EIF4E3: variants seen among roughly 807,000 people sequenced by gnomAD.
EIF4E3 encodes eukaryotic translation initiation factor 4E family member 3, also known as eukaryotic translation initiation factor 4E type 3.
Under a neutral mutation model 31.7 loss-of-function variants are expected in EIF4E3, and 26 were observed. The ratio of observed to expected loss-of-function variants is 0.82; its 90% CI spans 0.60 to 1.14. EIF4E3 has a LOEUF of 1.14. Among genes scored for constraint, EIF4E3 ranks in the 50% most tolerant of loss-of-function variants. EIF4E3 has a pLI of 0.00. For missense variants in EIF4E3, 304 were observed against 270.9 expected, an observed-to-expected ratio of 1.12 and a Z score of -0.86; for synonymous variants, 128 against 107.7, an observed-to-expected ratio of 1.19 and a Z score of -1.17.
chr3:71,701,111 G>A (rs1337573213), intron 2 of EIF4E3, among the ~76,000 whole-genome samples: 3 of 152,146 alleles, frequency 2.0e-5, no homozygotes, highest in African/African-American at 7.2e-5. Context: ...GAGAAACAAG[G>A]GTTTGTTGCA....
chr3:71,744,934 G>A (rs2049856244), intron 1 of EIF4E3, among the ~76,000 whole-genome samples: 1 of 152,178 alleles, frequency 6.6e-6, no homozygotes, highest in African/African-American at 2.4e-5. Context: ...GGCCACAGCT[G>A]TGCAGGGAGC....
intron 2 of EIF4E3, among the ~76,000 whole-genome samples, chr3:71,703,810 T>TAA (rs2049251673): frequency 3.7e-5 from 1 of 26,872 alleles, no homozygotes; most frequent in African/African-American, 1.8e-4. Flanking sequence ...CAAACACACA[T>TAA]CAAAAAAAAA....
chr3:71,715,607 T>C (rs917931272), intron 1 of EIF4E3, among the ~76,000 whole-genome samples: 1 of 152,130 alleles, frequency 6.6e-6, no homozygotes, highest in African/African-American at 2.4e-5. Context: ...GGACCCTGGT[T>C]CGGAATTTTC....
chr3:71,703,384 T>C (rs935907872), intron 2 of EIF4E3, among the ~76,000 whole-genome samples: 1 of 152,178 alleles, frequency 6.6e-6, no homozygotes, highest in Non-Finnish European at 1.5e-5. Flanking sequence ...AAGACCTAGG[T>C]TCTCAGCATA....
chr3:71,716,139 C>A (rs1047632993), intron 1 of EIF4E3, among the ~76,000 whole-genome samples: 1 of 152,128 alleles, frequency 6.6e-6, no homozygotes, highest in Non-Finnish European at 1.5e-5. Context: ...TGCAGGAAAG[C>A]GCTAGATGCC....
chr3:71,686,613 C>T (rs79809549), intron 6 of EIF4E3, among the ~76,000 whole-genome samples: 2 of 148,790 alleles, frequency 1.3e-5, no homozygotes, highest in East Asian at 2.0e-4. Flanking sequence ...GGGAAGATAT[C>T]GAAGAAAACA....
chr3:71,699,457 A>G (rs1405825452), intron 3 of EIF4E3, among the ~76,000 whole-genome samples, 157 bp downstream of exon 3: 1 of 152,208 alleles, frequency 6.6e-6, no homozygotes, highest in East Asian at 1.9e-4. Context: ...GCTATTAAAG[A>G]AGGAGGACAC....
rs1553666803 is a variant in EIF4E3 at position 71,725,296 on chromosome 3, A to AGCGGCGGCGGC, written c.61_71dup (p.Ala25ProfsTer53). ...CGAGCGGCGGCTCGGGGGCGGCGGC[A>AGCGGCGGCGGC]GCGGCGGCGGCGCGGGACCCCGGCG... On this transcript the variant is annotated frameshift_variant, in exon 1 of 7. Transcript: ENST00000425534. LOFTEE classifies it high-confidence loss of function. This position sits in a 1 kb window ranked among gnomAD's most constrained non-coding sequence, Gnocchi z 6.1. 1 of 998,982 alleles carries AGCGGCGGCGGC rather than the reference A, an allele frequency of 1.0e-6. No individual in the cohort carries two copies. Among genetic ancestry groups the AGCGGCGGCGGC allele is most frequent in the African/African-American group, 1.8e-5 (1 of 56,680 alleles). 61.9% of individuals were successfully genotyped at this position (998,982 alleles called of 1,614,324 possible).
chr3:71,664,423 T>G, the EIF4E3 span, among the ~76,000 whole-genome samples: 1 of 152,026 alleles, frequency 6.6e-6, no homozygotes. Flanking sequence ...GAGAATCATC[T>G]TCATGATTTC....
chr3:71,754,112 G>A (rs374377825), upstream of EIF4E3: 212 of 1,410,260 alleles, frequency 1.5e-4, no homozygotes, highest in African/African-American at 3.0e-3. This position sits in a 1 kb window ranked among gnomAD's most constrained non-coding sequence, Gnocchi z 5.8. Flanking sequence ...TGGGCCTCAA[G>A]CTGGCCACGC....
At position 71,676,832 on chromosome 3, in the gene EIF4E3, G is replaced by A. The variant is rs2048878212; in HGVS notation, c.*7850C>T. 1 of 151,790 alleles carries A rather than the reference G, an allele frequency of 6.6e-6. No homozygotes were observed. Among genetic ancestry groups the A allele is most frequent in the East Asian group, 1.9e-4 (1 of 5,190 alleles). The allele number at this position is 151,790 out of a possible 1,614,324, so 9.4% of individuals were successfully genotyped here. A position where few individuals can be genotyped will look rare whatever the true frequency, so the allele number is the denominator to read the frequency against. ...ACACTAATTATTTTCGCCTTAAAAA[G>A]GGGACACGGCTTTAGTGTTTAACCT... On this transcript the variant is annotated 3_prime_UTR_variant, in exon 7 of 7. Coordinates refer to ENST00000425534, the MANE Select transcript of EIF4E3 (RefSeq NM_001134651.2).
At chr3:71,723,065 G>T (rs1312315632) in intron 1 of EIF4E3, among the ~76,000 whole-genome samples, 1 of 152,172 alleles carries the variant, frequency 6.6e-6, no homozygotes, top group Non-Finnish European at 1.5e-5. Flanking sequence ...GTAGCAAGAG[G>T]CCTTTGCATG....
At chr3:71,666,046 AAGAGCAAACAAATTC>A in the EIF4E3 span, among the ~76,000 whole-genome samples, 9 of 152,228 alleles carry the variant, frequency 5.9e-5, no homozygotes, top group Non-Finnish European at 1.0e-4. Context: ...CTAGAGAAGC[AAGAGCAAACAAATTC>A]AGAAGCTAGC....
the EIF4E3 span, among the ~76,000 whole-genome samples, chr3:71,660,589 T>C: frequency 6.6e-6 from 1 of 152,160 alleles, no homozygotes; most frequent in Non-Finnish European, 1.5e-5. Context: ...AATAGCTCTG[T>C]GGCATCAAAA....
At chr3:71,710,549 C>A in intron 1 of EIF4E3, 65 bp from the exon 2 acceptor site, 1 of 1,485,004 alleles carries the variant, frequency 6.7e-7, no homozygotes, top group Non-Finnish European at 9.2e-7. Flanking sequence ...CAAAACAGCC[C>A]ACAGTAGAAT....
chr3:71,739,117 G>A (rs151279004), intron 1 of EIF4E3, among the ~76,000 whole-genome samples: 2,145 of 150,610 alleles, frequency 0.014, 20 homozygotes, highest in Middle Eastern at 0.024. Context: ...TACTGAGAGG[G>A]AAACTTACAG....
At position 71,684,489 on chromosome 3, in the gene EIF4E3, G is replaced by A. The variant is rs1308908596; in HGVS notation, c.*193C>T. ...GTTTTTTTTAAAAAGCAAGTAATGT[G>A]ACGGTAGAAACCCACACAATCTCCC... is the stretch of plus-strand genomic sequence containing the variant. On this transcript the variant is annotated 3_prime_UTR_variant, in exon 7 of 7. Transcript: ENST00000425534. 3.9e-5 allele frequency: 17 copies of A among 437,200 alleles called. No individual in the cohort carries two copies. The highest frequency in any genetic ancestry group is 6.3e-5 in the Non-Finnish European group (16 of 252,994). The allele number at this position is 437,200 out of a possible 1,614,324, so 27.1% of individuals were successfully genotyped here. A position where few individuals can be genotyped will look rare whatever the true frequency, so the allele number is the denominator to read the frequency against.
intron 1 of EIF4E3, among the ~76,000 whole-genome samples, chr3:71,738,612 G>C (rs181284959): frequency 6.6e-6 from 1 of 152,164 alleles, no homozygotes; most frequent in East Asian, 1.9e-4. Flanking sequence ...AAGACATAAT[G>C]ATCCTACATA....
At chr3:71,754,716 G>T, upstream of EIF4E3, 1 of 1,480,628 alleles carries the variant, frequency 6.8e-7, no homozygotes, top group Middle Eastern at 2.0e-4. The surrounding 1 kb of genome is among the most constrained non-coding windows in gnomAD (Gnocchi z 5.8). Context: ...GGTGCCCGCC[G>T]TCAGCCACGA....
Sources: allele counts gnomAD v4.1 joint callset (sites outside exome capture counted in the v4.1 genomes callset), GRCh38; gene constraint gnomAD v4.1.1; non-coding constraint Gnocchi (gnomAD v3.1); transcripts MANE v1.5; gene names NCBI Gene and HGNC (gene_info 2026-07-23, HGNC 2026-07-21).